CABP1: variants seen among roughly 807,000 people sequenced by gnomAD.
The protein encoded by CABP1 is calcium-binding protein 1.
In CABP1, 17 loss-of-function variants were observed where a neutral mutation model predicts 34.3. The ratio of observed to expected loss-of-function variants is 0.50; its 90% CI spans 0.34 to 0.74. The LOEUF (loss-of-function observed/expected upper bound fraction) is 0.74, where lower values mean the gene tolerates loss of function less well. CABP1 is among the 30% of genes least tolerant of loss of function. The probability of loss-of-function intolerance (pLI) is 0.01; values close to 1 mark genes in which losing one functional copy is unlikely to be tolerated. For synonymous variants in CABP1, 198 were observed against 229.2 expected (o/e 0.86, Z 1.23); for missense variants, 373 against 511.1 (o/e 0.73, Z 2.61).
Position 120,660,372 on chromosome 12 carries a change from C to T in CABP1, c.829+33C>T, listed in dbSNP as rs763247291. Reference sequence around the variant, plus strand: ...CCTCTACCAGGCATCTGCGTCCCTTCGGTCCTCACCCTTGCCGTCCTCTGC... The same window carrying T: ...CCTCTACCAGGCATCTGCGTCCCTTTGGTCCTCACCCTTGCCGTCCTCTGC... On this transcript the variant is annotated intron_variant, in intron 3 of 5. Coordinates refer to ENST00000316803, the MANE Select transcript of CABP1 (RefSeq NM_001033677.2). This position sits in a 1 kb window ranked among gnomAD's most constrained non-coding sequence, Gnocchi z 5.0. 18 of 1,602,184 alleles carry T rather than the reference C, an allele frequency of 1.1e-5. No individual in the cohort carries two copies. The highest frequency in any genetic ancestry group is 4.4e-5 in the South Asian group (4 of 90,264).
At chr12:120,656,763 C>T (rs528518273) in intron 1 of CABP1, among the ~76,000 whole-genome samples, 20 of 152,218 alleles carry the variant, frequency 1.3e-4, no homozygotes, top group African/African-American at 3.4e-4. Flanking sequence ...GGCATGGTGG[C>T]GGGTGCCTGT....
chr12:120,650,050 TGC>T (rs1302315508), intron 1 of CABP1: 12,688 of 123,298 alleles, frequency 0.1, 734 homozygotes, highest in East Asian at 0.28. Flanking sequence ...TGTGTGTGTG[TGC>T]GCGCGCGCAC....
Position 120,641,102 on chromosome 12 carries a change from C to G in CABP1, c.417C>G (p.Pro139=). Residue 139 remains proline, a synonymous_variant, in exon 1 of 6, where the codon CCC becomes CCG. Transcript: ENST00000316803. The surrounding 1 kb of genome is among the most constrained non-coding windows in gnomAD (Gnocchi z 6.7). ...EGARGSQRVL[P]QAHCRPREAL... is the part of the protein sequence containing the mutation. ...CGCGGGGGAGCCAGCGTGTGCTCCCCCAGGCGCACTGCAGGCCCCGGGAGG... is the reference window on the plus strand; with the variant it reads ...CGCGGGGGAGCCAGCGTGTGCTCCCGCAGGCGCACTGCAGGCCCCGGGAGG... 8.2e-7 allele frequency: 1 copy of G among 1,215,854 alleles called. No homozygotes were observed. Among genetic ancestry groups the G allele is most frequent in the Non-Finnish European group, 1.0e-6 (1 of 978,796 alleles). 75.3% of individuals were successfully genotyped at this position (1,215,854 alleles called of 1,614,324 possible). A position where few individuals can be genotyped will look rare whatever the true frequency, so the allele number is the denominator to read the frequency against.
the CABP1 span, among the ~76,000 whole-genome samples, chr12:120,679,374 T>C: frequency 7.2e-5 from 11 of 152,240 alleles, no homozygotes; most frequent in African/African-American, 2.7e-4. Context: ...CTCAACTCTC[T>C]GAGCTTTAGC....
intron 1 of CABP1, chr12:120,656,207 A>G: frequency 2.5e-6 from 4 of 1,604,478 alleles, no homozygotes; most frequent in Non-Finnish European, 2.6e-6. Context: ...CTGCGCAGTC[A>G]TGCACAACCT....
chr12:120,663,120 C>T (rs1428021504), intron 5 of CABP1, among the ~76,000 whole-genome samples: 4 of 152,342 alleles, frequency 2.6e-5, no homozygotes, highest in South Asian at 2.1e-4. Flanking sequence ...TTTCACAGCA[C>T]GTCAGGCTCA....
chr12:120,680,719 G>A, the CABP1 span, among the ~76,000 whole-genome samples: 1 of 152,080 alleles, frequency 6.6e-6, no homozygotes, highest in South Asian at 2.1e-4. Context: ...GGGTTATCTG[G>A]GGACCCCTCT....
chr12:120,663,022 A>G (rs1020362855), intron 5 of CABP1, among the ~76,000 whole-genome samples: 2 of 152,114 alleles, frequency 1.3e-5, no homozygotes, highest in African/African-American at 2.4e-5. Flanking sequence ...CTGTTAGCCC[A>G]AGGGACATTC....
intron 5 of CABP1, among the ~76,000 whole-genome samples, chr12:120,664,893 G>A (rs112487184): frequency 0.19 from 28,710 of 147,774 alleles, 3,142 homozygotes; most frequent in Middle Eastern, 0.32. Context: ...AAAAAAAAAA[G>A]AGAGAGAGAG....
chr12:120,665,786 C>T (rs1324552648), intron 5 of CABP1, among the ~76,000 whole-genome samples: 1 of 151,962 alleles, frequency 6.6e-6, no homozygotes, highest in Non-Finnish European at 1.5e-5. Flanking sequence ...CTTTGGGAAG[C>T]CGAGGTGGGC....
At chr12:120,677,954 A>C in the CABP1 span, among the ~76,000 whole-genome samples, 1 of 152,104 alleles carries the variant, frequency 6.6e-6, no homozygotes, top group African/African-American at 2.4e-5. Context: ...CCCTCCTGCG[A>C]AGTTGGGGAC....
chr12:120,679,084 A>AC, the CABP1 span, among the ~76,000 whole-genome samples: 5 of 151,636 alleles, frequency 3.3e-5, no homozygotes, highest in Admixed American at 1.3e-4. Flanking sequence ...AAAAAAAAAA[A>AC]AAAAAAAAAC....
At chr12:120,656,450 G>GATT (rs1880230610) in intron 1 of CABP1, among the ~76,000 whole-genome samples, 1 of 151,746 alleles carries the variant, frequency 6.6e-6, no homozygotes. Context: ...GCAAAATAAT[G>GATT]ATGATGATAA....
At position 120,641,215 on chromosome 12, in the gene CABP1, C is replaced by T. The variant is rs914224271; in HGVS notation, c.530C>T (p.Pro177Leu). ...GATGGGGAGGAACGGGGACTGTCCC[C>T]GGCGCTCGGCCTCCGGGGCTCTCTG... is the stretch of plus-strand genomic sequence containing the variant. ...GRDGEERGLSPALGLRGSLRA... is the reference protein window; with the variant it reads ...GRDGEERGLSLALGLRGSLRA... Residue 177 changes from proline to leucine, a missense_variant, in exon 1 of 6, where the codon CCG becomes CTG. Pro to Leu is a moderately conservative substitution (Grantham distance 98, BLOSUM62 -3). Transcript: ENST00000316803. The surrounding 1 kb of genome is among the most constrained non-coding windows in gnomAD (Gnocchi z 6.7). 6 of 1,258,722 alleles carry T rather than the reference C, an allele frequency of 4.8e-6. No homozygotes were observed. The highest frequency in any genetic ancestry group is 3.1e-5 in the African/African-American group (2 of 64,290). The allele number at this position is 1,258,722 out of a possible 1,614,324, so 78.0% of individuals were successfully genotyped here.
At chr12:120,679,600 G>A in the CABP1 span, among the ~76,000 whole-genome samples, 1 of 152,170 alleles carries the variant, frequency 6.6e-6, no homozygotes, top group South Asian at 2.1e-4. Flanking sequence ...AGCCGAGGTG[G>A]GCGGATCACC....
chr12:120,680,293 T>C, the CABP1 span, among the ~76,000 whole-genome samples: 9 of 152,186 alleles, frequency 5.9e-5, no homozygotes, highest in African/African-American at 1.9e-4. Flanking sequence ...TACATCAATG[T>C]GGTGTGCGTT....
rs983930982 is a variant in CABP1 at position 120,641,731 on chromosome 12, G to A, written c.654+392G>A. ...CCAGTACCGCCAGGGAGGGACTCAG[G>A]AGAGCAAGCGGTTTGGAGTCTGGGG... On this transcript the variant is annotated intron_variant, in intron 1 of 5. Transcript: ENST00000316803. The surrounding 1 kb of genome is among the most constrained non-coding windows in gnomAD (Gnocchi z 6.7). 1 of 181,644 alleles carries A rather than the reference G, an allele frequency of 5.5e-6. No individual in the cohort carries two copies. Among genetic ancestry groups the A allele is most frequent in the Non-Finnish European group, 1.1e-5 (1 of 87,986 alleles). The allele number at this position is 181,644 out of a possible 1,614,324, so 11.3% of individuals were successfully genotyped here.
intron 5 of CABP1, among the ~76,000 whole-genome samples, chr12:120,666,440 C>T (rs1479627365): frequency 6.9e-6 from 1 of 144,546 alleles, no homozygotes; most frequent in Non-Finnish European, 1.5e-5. Flanking sequence ...CATCACCGCA[C>T]TCCAGCCTGG....
downstream of CABP1, among the ~76,000 whole-genome samples, chr12:120,671,437 G>T (rs1277711597): frequency 1.3e-5 from 2 of 152,238 alleles, no homozygotes; most frequent in African/African-American, 4.8e-5. Flanking sequence ...CAAAGGCCCC[G>T]AGGTAAGGGA....
Sources: gnomAD v4.1 joint callset for allele counts (sites outside exome capture counted in the v4.1 genomes callset) on GRCh38, gnomAD v4.1.1 for gene constraint, Gnocchi (gnomAD v3.1) non-coding constraint, MANE v1.5 for transcripts, NCBI Gene and HGNC (gene_info 2026-07-23, HGNC 2026-07-21) for gene names.